Variants in FAM135B observed in about 807,000 individuals in gnomAD.
The protein encoded by FAM135B is family with sequence similarity 135 member B, also known as protein FAM135B.
Under a neutral mutation model 127.7 loss-of-function variants are expected in FAM135B, and 43 were observed. The ratio of observed to expected loss-of-function variants is 0.34; its 90% CI spans 0.26 to 0.43. The LOEUF (loss-of-function observed/expected upper bound fraction) is 0.43. FAM135B is among the 20% of genes least tolerant of loss of function. FAM135B has a pLI of 1.00. For synonymous variants in FAM135B, 670 were observed against 665.1 expected, an observed-to-expected ratio of 1.01 and a Z score of -0.11; for missense variants, 1,558 against 1,725.6, an observed-to-expected ratio of 0.90 and a Z score of 1.72.
At chr8:138,182,609 T>A (rs1815167901) in intron 9 of FAM135B, among the ~76,000 whole-genome samples, 1 of 152,214 alleles carries the variant, frequency 6.6e-6, no homozygotes, top group Non-Finnish European at 1.5e-5. Context: ...TATAGCTATT[T>A]AATTAGATAA....
chr8:138,172,714 AGG>A (rs1440231742), intron 11 of FAM135B, among the ~76,000 whole-genome samples: 21 of 152,216 alleles, frequency 1.4e-4, no homozygotes, highest in Non-Finnish European at 2.8e-4. Context: ...ATGCAGAGGG[AGG>A]GAGGAAGGGA....
intron 1 of FAM135B, among the ~76,000 whole-genome samples, chr8:138,403,595 A>G (rs967311797): frequency 6.6e-6 from 1 of 152,234 alleles, no homozygotes; most frequent in Non-Finnish European, 1.5e-5. Flanking sequence ...GCAGATAAGA[A>G]AACTGAGCTA....
intron 7 of FAM135B, among the ~76,000 whole-genome samples, chr8:138,198,952 C>A (rs1445057401): frequency 6.6e-6 from 1 of 152,144 alleles, no homozygotes; most frequent in African/African-American, 2.4e-5. Flanking sequence ...GAGGCCGTGG[C>A]TCTTCATGTT....
chr8:138,371,993 G>A lies in FAM135B; in HGVS notation c.-19-3991C>T, dbSNP rs139661799. Among the ~76,000 whole-genome samples, 25 of 152,314 alleles carry A rather than the reference G, an allele frequency of 1.6e-4. No homozygotes were observed. In the East Asian group the frequency reaches 4.1e-3, roughly 25 times the overall value. ...TGATGCTCAGGGACTGGGAAAGGGT[G>A]ATCCAGTGACAATCACAATGACAGT... On this transcript the variant is annotated intron_variant, in intron 1 of 19. Coordinates refer to ENST00000395297, the MANE Select transcript of FAM135B (RefSeq NM_015912.4).
At chr8:138,155,500 C>A (rs1818641200) in intron 12 of FAM135B, among the ~76,000 whole-genome samples, 1 of 152,024 alleles carries the variant, frequency 6.6e-6, no homozygotes, top group African/African-American at 2.4e-5. Flanking sequence ...CACAGACTGG[C>A]AAATTGGATA....
chr8:138,322,282 C>A (rs987678663), intron 2 of FAM135B, among the ~76,000 whole-genome samples: 1 of 152,158 alleles, frequency 6.6e-6, no homozygotes, highest in Middle Eastern at 3.2e-3. Flanking sequence ...CTGCCCCACA[C>A]CTGACAAGTG....
chr8:138,435,895 A>T (rs942717235), intron 1 of FAM135B, among the ~76,000 whole-genome samples: 1 of 152,190 alleles, frequency 6.6e-6, no homozygotes, highest in Non-Finnish European at 1.5e-5. Context: ...TCCAATCATG[A>T]TTCAAGACTG....
rs1817146611 is a variant in FAM135B, at chr8:138,141,524, T to C, written c.3639-175A>G. Among the ~76,000 whole-genome samples the C allele has an allele frequency of 6.6e-6, 1 of 152,172 alleles. No individual in the cohort carries two copies. Among genetic ancestry groups the C allele is most frequent in the East Asian group, 1.9e-4 (1 of 5,184 alleles). ...TCATCAGGTTTCAAAACACTGGCCA[T>C]GAGAAGCCTGAGATGGGGTCTTTGT... On this transcript the variant is annotated intron_variant, in intron 16 of 19. Coordinates refer to ENST00000395297, the MANE Select transcript of FAM135B (RefSeq NM_015912.4). This position sits in a 1 kb window ranked among gnomAD's most constrained non-coding sequence, Gnocchi z 4.7.
intron 1 of FAM135B, among the ~76,000 whole-genome samples, chr8:138,462,202 A>C (rs1481059592): frequency 6.6e-6 from 1 of 152,150 alleles, no homozygotes; most frequent in Non-Finnish European, 1.5e-5. Flanking sequence ...ATATATGTAC[A>C]TATATGTGGA....
intron 3 of FAM135B, among the ~76,000 whole-genome samples, chr8:138,288,408 G>A (rs1452363186): frequency 6.6e-6 from 1 of 152,172 alleles, no homozygotes; most frequent in African/African-American, 2.4e-5. Flanking sequence ...GTGCTGTGAG[G>A]GAAGTGTGCA....
intron 5 of FAM135B, among the ~76,000 whole-genome samples, chr8:138,256,221 C>T (rs569078776): frequency 3.3e-5 from 5 of 152,162 alleles, no homozygotes; most frequent in African/African-American, 1.2e-4. Flanking sequence ...AAGTTGCCTC[C>T]TGCATTTAAT....
intron 5 of FAM135B, among the ~76,000 whole-genome samples, chr8:138,252,086 A>T (rs1453903372): frequency 6.6e-6 from 1 of 152,160 alleles, no homozygotes; most frequent in African/African-American, 2.4e-5. Flanking sequence ...AATATGAATA[A>T]TGGTCCCCTG....
intron 2 of FAM135B, among the ~76,000 whole-genome samples, chr8:138,313,367 G>A (rs1257915789): frequency 6.6e-6 from 1 of 152,038 alleles, no homozygotes; most frequent in Non-Finnish European, 1.5e-5. Context: ...CCTGACCTCA[G>A]GCAATCCACC....
rs1818026894 is a variant in FAM135B, at chr8:138,210,133, C to G, written c.670-12464G>C. Reference sequence around the variant, plus strand: ...CATGTCTGCAGAATAAGTAAGCTATCAGTCTCAGTGCCTCTGGACATTGTG... The same window carrying G: ...CATGTCTGCAGAATAAGTAAGCTATGAGTCTCAGTGCCTCTGGACATTGTG... On this transcript the variant is annotated intron_variant, in intron 7 of 19. Transcript: ENST00000395297. Among the ~76,000 whole-genome samples the G allele has an allele frequency of 5.3e-5, 8 of 152,350 alleles. No individual in the cohort carries two copies. The South Asian group carries it at 1.7e-3, about 32-fold the overall frequency.
intron 7 of FAM135B, among the ~76,000 whole-genome samples, chr8:138,240,117 T>C (rs532308247): frequency 1.3e-5 from 2 of 152,274 alleles, no homozygotes; most frequent in Non-Finnish European, 2.9e-5. Context: ...CTGCACATTG[T>C]GCACATGTAC....
At chr8:138,405,970 A>G (rs578146274) in intron 1 of FAM135B, among the ~76,000 whole-genome samples, 2 of 151,896 alleles carry the variant, frequency 1.3e-5, no homozygotes, top group African/African-American at 2.4e-5. Context: ...GCCAGTGATG[A>G]TGAGCATTTT....
intron 7 of FAM135B, among the ~76,000 whole-genome samples, chr8:138,219,549 G>C (rs867748677): frequency 2.4e-4 from 37 of 152,138 alleles, no homozygotes; most frequent in Admixed American, 2.6e-4. Context: ...ATTTGAGATG[G>C]GGATTGAGAA....
intron 11 of FAM135B, among the ~76,000 whole-genome samples, chr8:138,173,271 CAG>C (rs1814090545): frequency 6.6e-6 from 1 of 152,140 alleles, no homozygotes; most frequent in African/African-American, 2.4e-5. Context: ...TCCAGGAATA[CAG>C]AGCGAAAGCA....
chr8:138,289,303 A>T (rs185618260), intron 3 of FAM135B, among the ~76,000 whole-genome samples: 17 of 152,358 alleles, frequency 1.1e-4, no homozygotes, highest in African/African-American at 3.8e-4. Flanking sequence ...TATTCTTCTC[A>T]TTCTCTGCCT....
Sources: allele counts gnomAD v4.1 joint callset (sites outside exome capture counted in the v4.1 genomes callset), GRCh38; gene constraint gnomAD v4.1.1; non-coding constraint Gnocchi (gnomAD v3.1); transcripts MANE v1.5; gene names NCBI Gene and HGNC (gene_info 2026-07-23, HGNC 2026-07-21).